FERMT2: variants seen among roughly 807,000 people sequenced by gnomAD.
FERMT2 encodes the protein fermitin family homolog 2.
Under a neutral mutation model 82.7 loss-of-function variants are expected in FERMT2, and 15 were observed. The ratio of observed to expected loss-of-function variants is 0.18; its 90% CI spans 0.12 to 0.28. FERMT2 has a LOEUF of 0.28. Ranked by LOEUF, FERMT2 falls within the 10% of genes least tolerant of loss-of-function variation. The pLI is 1.00. For synonymous variants in FERMT2, 274 were observed against 271.5 expected, an observed-to-expected ratio of 1.01 and a Z score of -0.09; for missense variants, 645 against 809.4, an observed-to-expected ratio of 0.80 and a Z score of 2.46.
At position 52,864,419 on chromosome 14, in the gene FERMT2, T is replaced by C; in HGVS notation, c.1584A>G (p.Lys528=). Residue 528 remains lysine, a synonymous_variant, in exon 12 of 15, where the codon AAA becomes AAG. Coordinates refer to ENST00000341590, the MANE Select transcript of FERMT2 (RefSeq NM_006832.3). ...TAAGTACCTGCTTGTTCTTATACTT[T>C]TTTAGATAGCGGGGAGACACCAAAC... The part of the protein sequence containing the change: ...PECLVSPRYL[K]KYKNKQITAR... 1 of 1,613,284 alleles carries C rather than the reference T, an allele frequency of 6.2e-7. No homozygotes were observed. The highest frequency in any genetic ancestry group is 8.5e-7 in the Non-Finnish European group (1 of 1,179,144).
In FERMT2 at chr14:52,859,921, C is replaced by T. The variant is rs1884808855; in HGVS notation, c.1728-207G>A. On this transcript the variant is annotated intron_variant, in intron 13 of 14. Transcript: ENST00000341590. ...CAAGCTCCGCCTCCTGGGTTCACGCCATTCTCCTGCCTCAGCCTCCCGAGT... is the reference window on the plus strand; with the variant it reads ...CAAGCTCCGCCTCCTGGGTTCACGCTATTCTCCTGCCTCAGCCTCCCGAGT... 1.5e-5 allele frequency: 5 copies of T among 325,216 alleles called. No homozygotes were observed. In the East Asian group the frequency reaches 2.6e-4, roughly 17 times the overall value. 20.1% of individuals were successfully genotyped at this position (325,216 alleles called of 1,614,324 possible).
intron 2 of FERMT2, among the ~76,000 whole-genome samples, chr14:52,932,281 A>G (rs139881800): frequency 5.3e-5 from 8 of 152,342 alleles, no homozygotes; most frequent in Non-Finnish European, 1.0e-4. Context: ...TATGTTGAAT[A>G]TGAGGCCAAA....
At chr14:52,927,772 C>T (rs1397687588) in intron 2 of FERMT2, among the ~76,000 whole-genome samples, 3 of 151,928 alleles carry the variant, frequency 2.0e-5, no homozygotes, top group Non-Finnish European at 4.4e-5. Flanking sequence ...CTATGCCTTA[C>T]CACACATCCA....
intron 2 of FERMT2, among the ~76,000 whole-genome samples, chr14:52,930,871 T>A (rs551052830): frequency 2.0e-5 from 3 of 152,228 alleles, no homozygotes; most frequent in Non-Finnish European, 2.9e-5. Context: ...TTATCCTTAA[T>A]ATTGATTGAA....
intron 8 of FERMT2, among the ~76,000 whole-genome samples, chr14:52,874,711 C>T (rs1885842612): frequency 6.6e-6 from 1 of 152,138 alleles, no homozygotes; most frequent in African/African-American, 2.4e-5. Flanking sequence ...GAAATGTCTT[C>T]CCACCACTTG....
rs549307910 is a variant in FERMT2, at chr14:52,885,959, A to T, written c.527-4490T>A. ...TAAAAATGTAAAACAATATGGTTTTAAAAAAAAAAGGCCACAAACAAAATG... is the reference window on the plus strand; with the variant it reads ...TAAAAATGTAAAACAATATGGTTTTTAAAAAAAAAGGCCACAAACAAAATG... On this transcript the variant is annotated intron_variant, in intron 4 of 14. Transcript: ENST00000341590. Among the ~76,000 whole-genome samples, 105 of 149,086 alleles carry T rather than the reference A, an allele frequency of 7.0e-4. No individual in the cohort carries two copies. The East Asian group carries it at 0.01, about 14-fold the overall frequency.
chr14:52,939,227 G>A (rs1349925899), intron 2 of FERMT2, among the ~76,000 whole-genome samples: 1 of 145,590 alleles, frequency 6.9e-6, no homozygotes, highest in Non-Finnish European at 1.5e-5. Flanking sequence ...ACAACAAATA[G>A]CAGGGCATGG....
chr14:52,927,087 C>T (rs1214749932), intron 2 of FERMT2, among the ~76,000 whole-genome samples: 1 of 152,106 alleles, frequency 6.6e-6, no homozygotes, highest in Non-Finnish European at 1.5e-5. Context: ...TATCCTCCCT[C>T]AACTGTAACA....
chr14:52,932,035 GAA>G (rs923790948), intron 2 of FERMT2, among the ~76,000 whole-genome samples: 12 of 152,040 alleles, frequency 7.9e-5, no homozygotes, highest in African/African-American at 2.6e-4. Flanking sequence ...TCTCAAAAAA[GAA>G]AAAGAAAAAA....
chr14:52,929,256 T>C (rs1036019124), intron 2 of FERMT2, among the ~76,000 whole-genome samples: 3 of 152,094 alleles, frequency 2.0e-5, no homozygotes, highest in Non-Finnish European at 4.4e-5. Flanking sequence ...AACTGTCAAA[T>C]CCACTTCCAA....
rs551681229 is a variant in FERMT2, at chr14:52,864,923, C to T, written c.1274-70G>A. 7 of 900,902 alleles carry T rather than the reference C, an allele frequency of 7.8e-6. No individual in the cohort carries two copies. The East Asian group carries it at 1.5e-4, about 19-fold the overall frequency. The allele number at this position is 900,902 out of a possible 1,614,324, so 55.8% of individuals were successfully genotyped here. A position where few individuals can be genotyped will look rare whatever the true frequency, so the allele number is the denominator to read the frequency against. The stretch of plus-strand genomic sequence containing the variant: ...GAAATCTCAAGTCAATACAAGCAGC[C>T]CTCATTCTGTGGCATCTTAACATGT... On this transcript the variant is annotated intron_variant, in intron 10 of 14. Transcript: ENST00000341590.
chr14:52,873,217 A>C (rs1411539464), intron 9 of FERMT2, among the ~76,000 whole-genome samples: 1 of 152,202 alleles, frequency 6.6e-6, no homozygotes, highest in Non-Finnish European at 1.5e-5. Context: ...CTAGCAGGTC[A>C]CATGGGAAGG....
intron 2 of FERMT2, among the ~76,000 whole-genome samples, chr14:52,922,482 TA>T (rs11347471): frequency 0.8 from 118,900 of 149,412 alleles, 47,835 homozygotes; most frequent in East Asian, 0.97. Context: ...TTTATTAAAT[TA>T]AAAAAAAAAA....
intron 3 of FERMT2, among the ~76,000 whole-genome samples, chr14:52,909,608 C>A (rs763192306): frequency 1.3e-5 from 2 of 151,572 alleles, no homozygotes; most frequent in Non-Finnish European, 2.9e-5. Context: ...GCCAACATGG[C>A]GAAATTCCAC....
chr14:52,886,555 C>A (rs188027965), intron 4 of FERMT2, among the ~76,000 whole-genome samples: 7 of 152,220 alleles, frequency 4.6e-5, no homozygotes, highest in Non-Finnish European at 1.0e-4. Context: ...GGTAAATATA[C>A]TTTTTCTATA....
intron 3 of FERMT2, among the ~76,000 whole-genome samples, chr14:52,907,604 C>T (rs1888089596): frequency 6.6e-6 from 1 of 152,148 alleles, no homozygotes; most frequent in African/African-American, 2.4e-5. Context: ...AACTAAACTG[C>T]TGTAAGGTTA....
intron 2 of FERMT2, chr14:52,948,662 T>C (rs1236051218): frequency 4.5e-6 from 2 of 444,362 alleles, no homozygotes; most frequent in African/African-American, 4.1e-5. Flanking sequence ...TGTCTGCAGT[T>C]TATTCTCTAT....
chr14:52,860,108 T>C (rs970217473), intron 13 of FERMT2: 66 of 426,766 alleles, frequency 1.5e-4, no homozygotes, highest in Non-Finnish European at 2.3e-4. Flanking sequence ...TGAGCCACCG[T>C]GCCTGGCCAA....
Position 52,875,352 on chromosome 14 carries a change from A to G in FERMT2, c.969T>C (p.His323=), listed in dbSNP as rs771676944. The G allele has an allele frequency of 1.3e-6, 2 of 1,590,326 alleles. No homozygotes were observed. The highest frequency in any genetic ancestry group is 2.7e-5 in the African/African-American group (2 of 74,142). The change falls in exon 8 of 15, where the codon CAT becomes CAC. Residue 323 remains histidine (H), a synonymous_variant. Transcript: ENST00000341590. ...EMMMFAALQY[H]INKLSIMTSE... is the part of the protein sequence containing the mutation. ...ATGTCATGATTGACAGCTTATTGATATGATACTGAAACCAGAATTATTTTA... is the reference window on the plus strand; with the variant it reads ...ATGTCATGATTGACAGCTTATTGATGTGATACTGAAACCAGAATTATTTTA...
Sources: allele counts gnomAD v4.1 joint callset (sites outside exome capture counted in the v4.1 genomes callset), GRCh38; gene constraint gnomAD v4.1.1; transcripts MANE v1.5; gene names NCBI Gene and HGNC (gene_info 2026-07-23, HGNC 2026-07-21).